KCNAB1: variants seen among roughly 807,000 people sequenced by gnomAD.
The protein encoded by KCNAB1 is voltage-gated potassium channel subunit beta-1.
In KCNAB1, 35 loss-of-function variants were observed where a neutral mutation model predicts 64.6. The ratio of observed to expected loss-of-function variants is 0.54; its 90% CI spans 0.41 to 0.72. KCNAB1 has a LOEUF of 0.72. Among genes scored for constraint, KCNAB1 ranks in the 30% least tolerant of loss-of-function variants. The probability of loss-of-function intolerance (pLI) is 0.00; values close to 1 mark genes in which losing one functional copy is unlikely to be tolerated. For missense variants in KCNAB1, 401 were observed against 512.9 expected (o/e 0.78, Z 2.11); for synonymous variants, 177 against 183.8 (o/e 0.96, Z 0.30).
intron 1 of KCNAB1, among the ~76,000 whole-genome samples, chr3:156,322,118 A>T (rs948566205): frequency 2.0e-5 from 3 of 152,216 alleles, no homozygotes; most frequent in African/African-American, 7.2e-5. Context: ...GCACAGCGAC[A>T]GTCACAAAGG....
At chr3:156,337,732 A>C (rs1315824550) in intron 1 of KCNAB1, among the ~76,000 whole-genome samples, 1 of 152,220 alleles carries the variant, frequency 6.6e-6, no homozygotes, top group East Asian at 1.9e-4. Flanking sequence ...GCCACTAGTA[A>C]CCTTAGGTAA....
chr3:156,174,557 C>T (rs1223360572), intron 1 of KCNAB1, among the ~76,000 whole-genome samples: 1 of 152,310 alleles, frequency 6.6e-6, no homozygotes, highest in African/African-American at 2.4e-5. Context: ...TCCCTGACAC[C>T]CTGACTGTTC....
intron 1 of KCNAB1, among the ~76,000 whole-genome samples, chr3:156,170,739 G>C (rs1429450810): frequency 6.6e-6 from 1 of 152,076 alleles, no homozygotes; most frequent in Non-Finnish European, 1.5e-5. Flanking sequence ...TCATTACTTG[G>C]CATGCACACC....
intron 1 of KCNAB1, among the ~76,000 whole-genome samples, chr3:156,212,321 C>T (rs148312427): frequency 6.6e-6 from 1 of 152,038 alleles, no homozygotes; most frequent in South Asian, 2.1e-4. Flanking sequence ...ACTTGAAAAT[C>T]CTCAAAGGAA....
chr3:156,319,590 G>A (rs1722520019), intron 1 of KCNAB1, among the ~76,000 whole-genome samples: 1 of 152,178 alleles, frequency 6.6e-6, no homozygotes, highest in African/African-American at 2.4e-5. Flanking sequence ...GGTGAACAGT[G>A]CTGTTGATTA....
intron 8 of KCNAB1, among the ~76,000 whole-genome samples, chr3:156,500,831 C>T (rs1716349584): frequency 6.6e-6 from 1 of 152,152 alleles, no homozygotes; most frequent in Non-Finnish European, 1.5e-5. Flanking sequence ...GTATCATCAT[C>T]AATGGCAGTG....
intron 1 of KCNAB1, among the ~76,000 whole-genome samples, chr3:156,244,630 C>T (rs1441637048): frequency 4.6e-5 from 7 of 152,134 alleles, no homozygotes; most frequent in South Asian, 2.1e-4. Context: ...TAGAGTAAGC[C>T]GCTTACTCCC....
chr3:156,200,054 A>T (rs552730936), intron 1 of KCNAB1, among the ~76,000 whole-genome samples: 1 of 152,134 alleles, frequency 6.6e-6, no homozygotes. Context: ...TCTGTTTGTT[A>T]GTTTTCCTTC....
chr3:156,224,678 TAGAG>T (rs1428396724), intron 1 of KCNAB1, among the ~76,000 whole-genome samples: 2 of 152,052 alleles, frequency 1.3e-5, no homozygotes, highest in Non-Finnish European at 2.9e-5. Context: ...GATAGACCAT[TAGAG>T]AGATTAACCG....
intron 13 of KCNAB1, among the ~76,000 whole-genome samples, chr3:156,533,372 G>A (rs925719515): frequency 2.6e-5 from 4 of 152,172 alleles, no homozygotes; most frequent in Admixed American, 2.0e-4. Flanking sequence ...CAGGGACAGG[G>A]AAGAGCAGTG....
At chr3:156,349,695 C>T (rs556382375) in intron 1 of KCNAB1, among the ~76,000 whole-genome samples, 83 of 152,130 alleles carry the variant, frequency 5.5e-4, no homozygotes, top group African/African-American at 1.9e-3. Flanking sequence ...TGAGTAGCTG[C>T]GACCACAGGC....
At position 156,251,944 on chromosome 3, in the gene KCNAB1, A is replaced by T. The variant is rs950243931; in HGVS notation, c.275+131058A>T. ...GATCAAGTGCCTATAATTTTCAAGAAGTGACTGAGAAAGAAACTGTTACTT... is the reference window on the plus strand; with the variant it reads ...GATCAAGTGCCTATAATTTTCAAGATGTGACTGAGAAAGAAACTGTTACTT... On this transcript the variant is annotated intron_variant, in intron 1 of 13. Coordinates refer to ENST00000490337, the MANE Select transcript of KCNAB1 (RefSeq NM_172160.3). 3.3e-5 allele frequency among the ~76,000 whole-genome samples: 5 copies of T among 152,352 alleles called. No individual in the cohort carries two copies. The East Asian group carries it at 9.6e-4, about 29-fold the overall frequency.
chr3:156,182,695 A>ATTTTTTTTTT (rs10624040), intron 1 of KCNAB1, among the ~76,000 whole-genome samples: 4 of 132,720 alleles, frequency 3.0e-5, no homozygotes, highest in Non-Finnish European at 6.2e-5. Flanking sequence ...AAGTAAGACA[A>ATTTTTTTTTT]TTTTTTTTTT....
chr3:156,123,496 G>A (rs1459191703), intron 1 of KCNAB1, among the ~76,000 whole-genome samples: 1 of 152,232 alleles, frequency 6.6e-6, no homozygotes, highest in Admixed American at 6.5e-5. Context: ...AGTTGGGGGA[G>A]ATTCAGCAGT....
chr3:156,462,862 T>G (rs1713027328), intron 5 of KCNAB1, among the ~76,000 whole-genome samples: 1 of 152,196 alleles, frequency 6.6e-6, no homozygotes, highest in East Asian at 1.9e-4. Context: ...CCCAATTTTA[T>G]TGTATACCTG....
At chr3:156,127,217 G>A (rs202086399) in intron 1 of KCNAB1, among the ~76,000 whole-genome samples, 19 of 152,194 alleles carry the variant, frequency 1.2e-4, no homozygotes, top group African/African-American at 4.3e-4. Flanking sequence ...GTGGAAGTGA[G>A]CTACAATGGA....
At chr3:156,326,379 G>A (rs533890249) in intron 1 of KCNAB1, among the ~76,000 whole-genome samples, 1 of 152,268 alleles carries the variant, frequency 6.6e-6, no homozygotes, top group East Asian at 1.9e-4. Flanking sequence ...CTGACCATAT[G>A]TCATAGAATA....
upstream of KCNAB1, among the ~76,000 whole-genome samples, chr3:156,119,989 A>G (rs1036112397): frequency 6.6e-6 from 1 of 152,206 alleles, no homozygotes; most frequent in African/African-American, 2.4e-5. Context: ...TGAATCGGTT[A>G]TGAGGGATTA....
intron 1 of KCNAB1, among the ~76,000 whole-genome samples, chr3:156,418,262 A>G (rs1254061537): frequency 1.3e-5 from 2 of 152,234 alleles, no homozygotes; most frequent in African/African-American, 4.8e-5. Context: ...GAATAATATC[A>G]TATAAAGTTG....
Sources: allele counts gnomAD v4.1 joint callset (sites outside exome capture counted in the v4.1 genomes callset), GRCh38; gene constraint gnomAD v4.1.1; transcripts MANE v1.5; gene names NCBI Gene and HGNC (gene_info 2026-07-23, HGNC 2026-07-21).